The following ADAM22 variants were observed in gnomAD, a reference collection of about 807,000 sequenced individuals.
The protein encoded by ADAM22 is disintegrin and metalloproteinase domain-containing protein 22.
A neutral mutation model predicts 144.6 loss-of-function variants in ADAM22; 65 were observed. That is an observed-to-expected ratio of 0.45 (90% confidence interval 0.37 to 0.55). The LOEUF (loss-of-function observed/expected upper bound fraction) is 0.55, where lower values mean the gene tolerates loss of function less well. Ranked by LOEUF, ADAM22 falls within the 20% of genes least tolerant of loss-of-function variation. The pLI is 0.00. For missense variants in ADAM22, 974 were observed against 1,184.9 expected, an observed-to-expected ratio of 0.82 and a Z score of 2.61; for synonymous variants, 391 against 412.6, an observed-to-expected ratio of 0.95 and a Z score of 0.63.
intron 4 of ADAM22, among the ~76,000 whole-genome samples, chr7:88,085,372 A>G (rs1818161963): frequency 6.6e-6 from 1 of 152,198 alleles, no homozygotes; most frequent in Non-Finnish European, 1.5e-5. Context: ...AAATGGCTGT[A>G]CTCAGGTGTC....
At chr7:88,147,653 G>A (rs1404799046) in intron 17 of ADAM22, among the ~76,000 whole-genome samples, 1 of 152,078 alleles carries the variant, frequency 6.6e-6, no homozygotes, top group Non-Finnish European at 1.5e-5. Flanking sequence ...ATAATACAAG[G>A]GTATTTATTG....
chr7:88,012,987 G>C (rs559885411), intron 3 of ADAM22, among the ~76,000 whole-genome samples: 1 of 152,232 alleles, frequency 6.6e-6, no homozygotes, highest in East Asian at 1.9e-4. Flanking sequence ...CCAAGGACTC[G>C]GGGGACCAGG....
chr7:88,058,021 G>A (rs1466233714), intron 3 of ADAM22, among the ~76,000 whole-genome samples: 1 of 152,204 alleles, frequency 6.6e-6, no homozygotes, highest in Admixed American at 6.5e-5. Context: ...GTATAGCAGA[G>A]TGAACTCTTG....
At chr7:88,133,989 T>A (rs1167164595) in intron 12 of ADAM22, among the ~76,000 whole-genome samples, 1 of 152,210 alleles carries the variant, frequency 6.6e-6, no homozygotes, top group African/African-American at 2.4e-5. Context: ...TAATTTTATT[T>A]TGTATTATCC....
chr7:88,145,959 A>G (rs4140919), intron 17 of ADAM22, among the ~76,000 whole-genome samples: 44,065 of 152,054 alleles, frequency 0.29, 8,426 homozygotes, highest in East Asian at 0.55. Flanking sequence ...TGCTGAGGAA[A>G]CAAGGGAGTA....
At position 88,007,045 on chromosome 7, in the gene ADAM22, T is replaced by A. The variant is rs192440021; in HGVS notation, c.323+28633T>A. On this transcript the variant is annotated intron_variant, in intron 3 of 31. Transcript: ENST00000413139. ...AATCTCCTTAAGTTGTTAAGCAACT[T>A]CAGCAAAGTCTCAGTATACAAAATC... Among the ~76,000 whole-genome samples the A allele has an allele frequency of 3.9e-5, 6 of 152,310 alleles. No individual in the cohort carries two copies. In the East Asian group the frequency reaches 1.2e-3, roughly 29 times the overall value.
chr7:88,083,041 A>G (rs1022266415), intron 4 of ADAM22, among the ~76,000 whole-genome samples: 2 of 152,226 alleles, frequency 1.3e-5, no homozygotes, highest in African/African-American at 4.8e-5. Context: ...ATGCACATGT[A>G]TGTTTATTGT....
intron 10 of ADAM22, among the ~76,000 whole-genome samples, chr7:88,130,771 A>G (rs1309973639): frequency 1.3e-5 from 2 of 152,164 alleles, no homozygotes; most frequent in African/African-American, 4.8e-5. Context: ...AAACAGTACA[A>G]TAGTTGTGCC....
intron 4 of ADAM22, among the ~76,000 whole-genome samples, chr7:88,106,472 TTC>T (rs1356904803): frequency 9.9e-5 from 15 of 152,194 alleles, no homozygotes; most frequent in Non-Finnish European, 1.8e-4. Context: ...TGTCATCCTG[TTC>T]TCTCTCCTCC....
chr7:88,047,570 A>G (rs951757785), intron 3 of ADAM22, among the ~76,000 whole-genome samples: 3 of 152,218 alleles, frequency 2.0e-5, no homozygotes, highest in African/African-American at 7.2e-5. Context: ...ATTTCTAAAA[A>G]TTGAGCACAC....
intron 4 of ADAM22, among the ~76,000 whole-genome samples, chr7:88,081,396 C>T (rs1816579354): frequency 6.6e-6 from 1 of 152,152 alleles, no homozygotes; most frequent in African/African-American, 2.4e-5. Context: ...ACTGAATGGG[C>T]AGAAACTGGA....
At chr7:88,069,392 A>C (rs1294875688) in intron 3 of ADAM22, among the ~76,000 whole-genome samples, 3 of 152,138 alleles carry the variant, frequency 2.0e-5, no homozygotes, top group Non-Finnish European at 2.9e-5. Flanking sequence ...TACATTACCT[A>C]GTCTGTGATA....
At chr7:88,130,264 A>T in intron 9 of ADAM22, 124 bp from the exon 10 acceptor site, 2 of 708,900 alleles carry the variant, frequency 2.8e-6, no homozygotes, top group Non-Finnish European at 4.5e-6. Flanking sequence ...ACACATTTTT[A>T]CAGAAAAGAT....
At chr7:88,110,281 A>G (rs1465652710) in intron 5 of ADAM22, among the ~76,000 whole-genome samples, 1 of 152,194 alleles carries the variant, frequency 6.6e-6, no homozygotes, top group Non-Finnish European at 1.5e-5. Context: ...ACCTAGGAAT[A>G]GTACAGTGAG....
Position 88,187,362 on chromosome 7 carries a change from A to C in ADAM22, c.2750+661A>C, listed in dbSNP as rs150314472. On this transcript the variant is annotated intron_variant, in intron 30 of 31. Transcript: ENST00000413139. ...TAAGAAATTTTTTATGCTTATAAAA[A>C]TGTTGTTATCTAATACTTCAAATAG... 2.9e-3 allele frequency among the ~76,000 whole-genome samples: 445 copies of C among 152,336 alleles called. 2 individuals are homozygous for C. The highest frequency in any genetic ancestry group is 0.01 in the African/African-American group (425 of 41,586).
intron 4 of ADAM22, among the ~76,000 whole-genome samples, chr7:88,077,787 G>A (rs978259826): frequency 6.6e-5 from 10 of 152,218 alleles, no homozygotes; most frequent in African/African-American, 2.4e-4. Flanking sequence ...GTGGCAGCTA[G>A]GCTGGGGGAG....
At chr7:88,114,090 A>T (rs1333823918) in intron 5 of ADAM22, among the ~76,000 whole-genome samples, 1 of 152,068 alleles carries the variant, frequency 6.6e-6, no homozygotes, top group Admixed American at 6.6e-5. Context: ...GCTTGTGGCA[A>T]GTTGTTCAAA....
rs925932880 is a variant in ADAM22, at chr7:88,011,489, G to A, written c.323+33077G>A. Reference sequence around the variant, plus strand: ...CGGCAGGCAGAGCTTGCAGTGAGCCGAGATCGCACCACTGCACTCCAGCCT... The same window carrying A: ...CGGCAGGCAGAGCTTGCAGTGAGCCAAGATCGCACCACTGCACTCCAGCCT... On this transcript the variant is annotated intron_variant, in intron 3 of 31. Coordinates refer to ENST00000413139, the MANE Select transcript of ADAM22 (RefSeq NM_001324418.2). 6.0e-5 allele frequency among the ~76,000 whole-genome samples: 9 copies of A among 150,350 alleles called. No homozygotes were observed. The South Asian group carries it at 1.5e-3, about 25-fold the overall frequency.
intron 24 of ADAM22, among the ~76,000 whole-genome samples, chr7:88,166,795 C>T (rs1843043789): frequency 6.6e-6 from 1 of 151,904 alleles, no homozygotes; most frequent in Non-Finnish European, 1.5e-5. Flanking sequence ...AATTCAAAGA[C>T]AATAATATTT....
Sources: gnomAD v4.1 joint callset for allele counts (sites outside exome capture counted in the v4.1 genomes callset) on GRCh38, gnomAD v4.1.1 for gene constraint, MANE v1.5 for transcripts, NCBI Gene and HGNC (gene_info 2026-07-23, HGNC 2026-07-21) for gene names.